The following SV2C variants were observed in gnomAD, a reference collection of about 807,000 sequenced individuals.
The protein encoded by SV2C is synaptic vesicle glycoprotein 2C.
Under a neutral mutation model 79.7 loss-of-function variants are expected in SV2C, and 49 were observed. The ratio of observed to expected loss-of-function variants is 0.61; its 90% CI spans 0.49 to 0.78. The LOEUF (loss-of-function observed/expected upper bound fraction) is 0.78. SV2C is among the 30% of genes least tolerant of loss of function. SV2C has a pLI of 0.00. For synonymous variants in SV2C, 334 were observed against 333.2 expected (o/e 1.00, Z -0.03); for missense variants, 833 against 912.9 (o/e 0.91, Z 1.13).
the SV2C span, among the ~76,000 whole-genome samples, chr5:76,008,090 G>A: frequency 6.6e-6 from 1 of 152,154 alleles, no homozygotes; most frequent in Non-Finnish European, 1.5e-5. Context: ...CAAAAGCTGT[G>A]TGAATTTTTC....
the SV2C span, chr5:75,910,602 G>A: frequency 1.3e-6 from 1 of 755,916 alleles, no homozygotes; most frequent in Middle Eastern, 2.8e-4. Flanking sequence ...GCCAAGTGGG[G>A]TTGAAAACTT....
At chr5:76,307,124 T>C (rs1012026587) in intron 12 of SV2C, among the ~76,000 whole-genome samples, 1 of 152,258 alleles carries the variant, frequency 6.6e-6, no homozygotes, top group African/African-American at 2.4e-5. Context: ...TTCTTGAATC[T>C]GTAGGTTTAC....
chr5:76,055,182 G>A, the SV2C span, among the ~76,000 whole-genome samples: 1 of 152,168 alleles, frequency 6.6e-6, no homozygotes, highest in Admixed American at 6.5e-5. Context: ...TGTGTAAGGT[G>A]TAAGGAAGGG....
the SV2C span, among the ~76,000 whole-genome samples, chr5:75,925,757 CA>C: frequency 0.4 from 59,814 of 150,798 alleles, 13,255 homozygotes; most frequent in African/African-American, 0.61. Context: ...TTTTAAAAAA[CA>C]AAAAAAAGCA....
the SV2C span, among the ~76,000 whole-genome samples, chr5:75,866,966 T>G: frequency 6.6e-6 from 1 of 151,944 alleles, no homozygotes; most frequent in Non-Finnish European, 1.5e-5. Flanking sequence ...GCTGAGAAAA[T>G]GTGTTTTCAT....
At chr5:76,298,768 T>C (rs1302598720) in intron 9 of SV2C, 26 bp from the exon 10 acceptor site, 9 of 1,610,252 alleles carry the variant, frequency 5.6e-6, no homozygotes, top group African/African-American at 1.3e-5. Flanking sequence ...CATTGATTGA[T>C]ATGAATTTTT....
intron 4 of SV2C, among the ~76,000 whole-genome samples, chr5:76,222,555 C>G (rs1384737676): frequency 6.6e-6 from 1 of 152,116 alleles, no homozygotes; most frequent in Non-Finnish European, 1.5e-5. Context: ...TTATGTGAAT[C>G]TACACATGTG....
chr5:76,166,145 C>T (rs144948276), intron 2 of SV2C, among the ~76,000 whole-genome samples: 3,021 of 152,240 alleles, frequency 0.02, 49 homozygotes, highest in African/African-American at 0.028. Flanking sequence ...ATATTATGCC[C>T]AGAATAGAAA....
At chr5:76,173,996 T>A in intron 2 of SV2C, 3 of 1,560,324 alleles carry the variant, frequency 1.9e-6, no homozygotes, top group Non-Finnish European at 2.7e-6. Context: ...TGCTGTAAAT[T>A]GCTCCGTTCC....
At chr5:76,241,931 A>C (rs1430862640) in intron 4 of SV2C, 1 of 752,786 alleles carries the variant, frequency 1.3e-6, no homozygotes, top group African/African-American at 1.8e-5. Context: ...ATAAAATAAA[A>C]CAAAATTCTG....
At chr5:76,223,396 C>G (rs1580365492) in intron 4 of SV2C, among the ~76,000 whole-genome samples, 1 of 139,010 alleles carries the variant, frequency 7.2e-6, no homozygotes, top group African/African-American at 2.8e-5. Flanking sequence ...CCACTGCACT[C>G]CAGCCTGGGT....
chr5:75,931,889 C>T, the SV2C span, among the ~76,000 whole-genome samples: 1 of 152,110 alleles, frequency 6.6e-6, no homozygotes, highest in African/African-American at 2.4e-5. Context: ...CCACGTCGCT[C>T]CACCTCCACT....
At chr5:76,287,868 C>A (rs1252163914) in intron 6 of SV2C, among the ~76,000 whole-genome samples, 3 of 152,128 alleles carry the variant, frequency 2.0e-5, no homozygotes, top group Non-Finnish European at 4.4e-5. Context: ...GGGCGGATTA[C>A]AAGGTCAGGA....
chr5:75,942,321 T>C, the SV2C span, among the ~76,000 whole-genome samples: 1 of 152,184 alleles, frequency 6.6e-6, no homozygotes, highest in African/African-American at 2.4e-5. Context: ...AGAAAATTAA[T>C]TGAACTCAAA....
intron 1 of SV2C, among the ~76,000 whole-genome samples, chr5:76,093,481 C>T (rs1020396899): frequency 3.3e-5 from 5 of 152,242 alleles, no homozygotes; most frequent in Non-Finnish European, 7.3e-5. Flanking sequence ...AAAGCAGCTT[C>T]GCTTGTGACC....
the SV2C span, chr5:76,075,659 C>A: frequency 3.3e-6 from 1 of 301,362 alleles, no homozygotes; most frequent in African/African-American, 2.3e-5. Context: ...TAGATGGATG[C>A]AACCTTGAAT....
At chr5:76,297,552 A>G (rs1034218980) in intron 9 of SV2C, among the ~76,000 whole-genome samples, 1 of 152,172 alleles carries the variant, frequency 6.6e-6, no homozygotes, top group African/African-American at 2.4e-5. Flanking sequence ...TGACAGAAAA[A>G]ATTGATAACT....
At chr5:75,915,764 G>C in the SV2C span, among the ~76,000 whole-genome samples, 1 of 152,204 alleles carries the variant, frequency 6.6e-6, no homozygotes, top group African/African-American at 2.4e-5. Context: ...ATGCAGACAA[G>C]AAGCTCCAGG....
chr5:76,199,114 G>T (rs773624370), intron 3 of SV2C, among the ~76,000 whole-genome samples: 2 of 152,098 alleles, frequency 1.3e-5, no homozygotes, highest in Admixed American at 1.3e-4. Context: ...TATTAACTCA[G>T]TACAGAAGCA....
Sources: gnomAD v4.1 joint callset for allele counts (sites outside exome capture counted in the v4.1 genomes callset) on GRCh38, gnomAD v4.1.1 for gene constraint, MANE v1.5 for transcripts, NCBI Gene and HGNC (gene_info 2026-07-23, HGNC 2026-07-21) for gene names.